DCBLD1: variants seen among roughly 807,000 people sequenced by gnomAD.
The protein encoded by DCBLD1 is discoidin, CUB and LCCL domain-containing protein 1.
A neutral mutation model predicts 71.5 loss-of-function variants in DCBLD1; 57 were observed. The ratio of observed to expected loss-of-function variants is 0.80; its 90% CI spans 0.64 to 0.99. DCBLD1 has a LOEUF of 0.99. DCBLD1 is among the 50% of genes least tolerant of loss of function. DCBLD1 has a pLI of 0.00. For missense variants in DCBLD1, 891 were observed against 923.5 expected (o/e 0.96, Z 0.46); for synonymous variants, 380 against 363.8 (o/e 1.04, Z -0.51).
downstream of DCBLD1, among the ~76,000 whole-genome samples, chr6:117,551,961 C>T (rs940328981): frequency 6.8e-6 from 1 of 147,962 alleles, no homozygotes; most frequent in South Asian, 2.1e-4. Context: ...CTCCTCTCTA[C>T]AAAAAAAAAA....
At chr6:117,527,323 A>T (rs1441030581) in intron 5 of DCBLD1, among the ~76,000 whole-genome samples, 4 of 152,196 alleles carry the variant, frequency 2.6e-5, no homozygotes, top group African/African-American at 9.6e-5. Context: ...AGCAGGGATC[A>T]TGGGGGTTAT....
chr6:117,512,261 C>T (rs1778048038), intron 2 of DCBLD1, among the ~76,000 whole-genome samples: 1 of 152,190 alleles, frequency 6.6e-6, no homozygotes, highest in Non-Finnish European at 1.5e-5. Flanking sequence ...AAAGCCACAC[C>T]TTTGTCTAAG....
downstream of DCBLD1, among the ~76,000 whole-genome samples, chr6:117,553,509 C>T (rs2114586449): frequency 6.6e-6 from 1 of 152,252 alleles, no homozygotes; most frequent in Non-Finnish European, 1.5e-5. Flanking sequence ...CAAATCTCTC[C>T]CAAGTATAAA....
At chr6:117,545,252 G>C (rs922981901) in intron 13 of DCBLD1, among the ~76,000 whole-genome samples, 6 of 152,022 alleles carry the variant, frequency 3.9e-5, no homozygotes, top group African/African-American at 1.4e-4. Context: ...CCTGATGAGG[G>C]CAAAATACCT....
chr6:117,566,748 T>C (rs1779704683), intron 14 of DCBLD1: 1 of 651,966 alleles, frequency 1.5e-6, no homozygotes, highest in Admixed American at 3.5e-5. Flanking sequence ...TTCATTCCTT[T>C]GATTTCCTCA....
intron 14 of DCBLD1, among the ~76,000 whole-genome samples, chr6:117,546,889 T>C (rs760705005): frequency 6.6e-6 from 1 of 152,156 alleles, no homozygotes; most frequent in South Asian, 2.1e-4. Context: ...TCGAATCCAT[T>C]GTTCCTAACC....
downstream of DCBLD1, chr6:117,549,821 G>A: frequency 5.1e-6 from 5 of 985,416 alleles, no homozygotes; most frequent in Non-Finnish European, 6.0e-6. Context: ...TCACTAGTCA[G>A]CCCTGCTCGC....
chr6:117,548,010 T>G lies in DCBLD1; in HGVS notation c.1719T>G (p.Asp573Glu), dbSNP rs1253427610. 1.9e-6 allele frequency: 3 copies of G among 1,550,408 alleles called. No individual in the cohort carries two copies. The highest frequency in any genetic ancestry group is 2.6e-6 in the Non-Finnish European group (3 of 1,146,884). ...TDAEEAGVST[D>E]AGGHYDCPQR... ...CCGAGGAGGCAGGGGTGAGCACCGA[T>G]GCCGGCGGCCACTATGACTGCCCGC... is the stretch of plus-strand genomic sequence containing the variant. Residue 573 changes from aspartate (D) to glutamate (E), a missense_variant, in exon 15 of 15, where the codon GAT (aspartate) becomes GAG (glutamate). Asp to Glu is a conservative substitution (Grantham distance 45, BLOSUM62 2). Transcript: ENST00000338728.
At chr6:117,531,502 G>C (rs759024977) in intron 5 of DCBLD1, among the ~76,000 whole-genome samples, 4 of 152,166 alleles carry the variant, frequency 2.6e-5, no homozygotes, top group Non-Finnish European at 5.9e-5. Flanking sequence ...CCAGTCTGCT[G>C]TTCCTGCTGC....
Position 117,496,236 on chromosome 6 carries a change from C to A in DCBLD1, c.113-7531C>A, listed in dbSNP as rs577718644. Reference sequence around the variant, plus strand: ...ATGTGTTTCTAGTCGATAGCTGTAACTTCTTTCAGCATAGTATTATTATCC... The same window carrying A: ...ATGTGTTTCTAGTCGATAGCTGTAAATTCTTTCAGCATAGTATTATTATCC... On this transcript the variant is annotated intron_variant, in intron 1 of 14. Coordinates refer to ENST00000338728, the MANE Select transcript of DCBLD1 (RefSeq NM_001366458.2). Among the ~76,000 whole-genome samples, 19 of 152,282 alleles carry A rather than the reference C, an allele frequency of 1.2e-4. No individual in the cohort carries two copies. The South Asian group carries it at 1.7e-3, about 13-fold the overall frequency.
intron 14 of DCBLD1, among the ~76,000 whole-genome samples, chr6:117,559,736 C>T (rs1395969716): frequency 1.3e-5 from 2 of 151,932 alleles, no homozygotes; most frequent in Non-Finnish European, 2.9e-5. Context: ...TATAAAACCA[C>T]CTAAAATAAA....
intron 14 of DCBLD1, among the ~76,000 whole-genome samples, chr6:117,559,518 A>G: frequency 6.6e-6 from 1 of 152,110 alleles, no homozygotes; most frequent in Non-Finnish European, 1.5e-5. Flanking sequence ...CCATGTACAC[A>G]GGGATGGATT....
At chr6:117,512,336 C>T (rs2114459913) in intron 2 of DCBLD1, among the ~76,000 whole-genome samples, 1 of 152,204 alleles carries the variant, frequency 6.6e-6, no homozygotes, top group East Asian at 1.9e-4. Context: ...CCAAAATTCT[C>T]CAGGGATACC....
intron 1 of DCBLD1, among the ~76,000 whole-genome samples, chr6:117,492,271 T>A (rs1777319249): frequency 1.3e-5 from 2 of 152,242 alleles, no homozygotes; most frequent in African/African-American, 4.8e-5. Flanking sequence ...TTTGAATCGT[T>A]GTATGTTTTT....
chr6:117,566,832 T>C lies in DCBLD1; in HGVS notation c.1616-2788T>C, dbSNP rs1779706279. 2.1e-6 allele frequency: 3 copies of C among 1,460,002 alleles called. No individual in the cohort carries two copies. The East Asian group carries it at 7.1e-5, about 35-fold the overall frequency. 90.4% of individuals were successfully genotyped at this position (1,460,002 alleles called of 1,614,324 possible). ...TTAATAATAATGAATATGTTAATAA[T>C]AATTTTTAGAGTGATTTTTACCTTG... On this transcript the variant is annotated intron_variant, in intron 14 of 14. Transcript: ENST00000296955.
Position 117,532,372 on chromosome 6 carries a change from C to T in DCBLD1, c.698C>T (p.Ala233Val). ...ATCAGTCGATATGAAGGGATTCTGG[C>T]CAATGGTGTTCTTTCGAGGGAGTAA... ...KGISRYEGIL[A>V]NGVLSRDGSL... is the part of the protein sequence containing the mutation. Residue 233 changes from alanine to valine, a missense_variant, in exon 6 of 15, where the codon GCC becomes GTC. Transcript: ENST00000338728. 1 of 1,610,752 alleles carries T rather than the reference C, an allele frequency of 6.2e-7. No individual in the cohort carries two copies. Among genetic ancestry groups the T allele is most frequent in the South Asian group, 1.1e-5 (1 of 90,288 alleles).
intron 14 of DCBLD1, chr6:117,566,989 C>T: frequency 6.2e-7 from 1 of 1,609,696 alleles, no homozygotes; most frequent in Non-Finnish European, 8.5e-7. Context: ...TCATCAGAAT[C>T]CACTTCAGGA....
chr6:117,507,300 T>C (rs964513180), intron 2 of DCBLD1, among the ~76,000 whole-genome samples: 1 of 152,194 alleles, frequency 6.6e-6, no homozygotes, highest in Admixed American at 6.5e-5. Context: ...TAAACAAGTG[T>C]AAACACCCAC....
intron 2 of DCBLD1, among the ~76,000 whole-genome samples, chr6:117,509,085 T>C (rs1322495162): frequency 1.3e-5 from 2 of 152,230 alleles, no homozygotes; most frequent in African/African-American, 4.8e-5. Flanking sequence ...ATTTCTAAAT[T>C]GGTTGACCTT....
Sources: gnomAD v4.1 joint callset for allele counts (sites outside exome capture counted in the v4.1 genomes callset) on GRCh38, gnomAD v4.1.1 for gene constraint, MANE v1.5 for transcripts, NCBI Gene and HGNC (gene_info 2026-07-23, HGNC 2026-07-21) for gene names.